The following CSF1 variants were observed in gnomAD, a reference collection of about 807,000 sequenced individuals.
The protein encoded by CSF1 is macrophage colony-stimulating factor 1.
Under a neutral mutation model 48.9 loss-of-function variants are expected in CSF1, and 9 were observed. The observed-to-expected ratio is 0.18, with a 90% CI of 0.11 to 0.32. The LOEUF (loss-of-function observed/expected upper bound fraction) is 0.32, where lower values mean the gene tolerates loss of function less well. CSF1 is among the 10% of genes least tolerant of loss of function. CSF1 has a pLI of 1.00. For missense variants in CSF1, 672 were observed against 697.9 expected (o/e 0.96, Z 0.42); for synonymous variants, 305 against 284.1 (o/e 1.07, Z -0.74).
intron 8 of CSF1, among the ~76,000 whole-genome samples, chr1:109,927,003 A>G (rs142220080): frequency 2.1e-4 from 32 of 152,330 alleles, no homozygotes; most frequent in Admixed American, 5.2e-4. Flanking sequence ...CTAGCTGACC[A>G]GTTAACCAGC....
chr1:109,924,025 G>T lies in CSF1; in HGVS notation c.1404G>T (p.Leu468=), dbSNP rs1647714882. ...CAAGTGAAGGGGCAGCCAGGCCCCT[G>T]CCCCGTTTTAACTCCGTTCCTTTGA... is the stretch of plus-strand genomic sequence containing the variant. ...GPASEGAARP[L]PRFNSVPLTD... Residue 468 remains leucine, a synonymous_variant, in exon 6 of 9, where the codon CTG becomes CTT. Coordinates refer to ENST00000329608, the MANE Select transcript of CSF1 (RefSeq NM_000757.6). 1 of 1,614,206 alleles carries T rather than the reference G, an allele frequency of 6.2e-7. No individual in the cohort carries two copies. The highest frequency in any genetic ancestry group is 8.5e-7 in the Non-Finnish European group (1 of 1,180,030).
chr1:109,924,746 C>A (rs1046446791), intron 6 of CSF1, 30 bp from the exon 7 acceptor site: 2 of 1,563,292 alleles, frequency 1.3e-6, no homozygotes, highest in Admixed American at 3.8e-5. Flanking sequence ...TCCCCCAGCT[C>A]CTCAGTGAGA....
At position 109,915,685 on chromosome 1, in the gene CSF1, C is replaced by G; in HGVS notation, c.214C>G (p.Gln72Glu). Reference sequence around the variant, plus strand: ...CCAAATTACATTTGAGTTTGTAGACCAGGAACAGTTGGTGAGTGATGGCTT... The same window carrying G: ...CCAAATTACATTTGAGTTTGTAGACGAGGAACAGTTGGTGAGTGATGGCTT... ...SCQITFEFVD[Q>E]EQLKDPVCYL... is the part of the protein sequence containing the mutation. Residue 72 changes from glutamine (Q) to glutamate (E), a missense_variant, in exon 3 of 9, where the codon CAG becomes GAG. Transcript: ENST00000329608. 1 of 1,613,584 alleles carries G rather than the reference C, an allele frequency of 6.2e-7. No individual in the cohort carries two copies.
chr1:109,925,282 A>G (rs765364875), intron 8 of CSF1, 80 bp downstream of exon 8: 51 of 1,234,984 alleles, frequency 4.1e-5, no homozygotes, highest in African/African-American at 5.9e-5. Flanking sequence ...GGTGACACCA[A>G]TTCCCCTGAG....
chr1:109,924,214 A>T (rs766551433), intron 6 of CSF1, 24 bp downstream of exon 6: 2 of 1,576,674 alleles, frequency 1.3e-6, no homozygotes, highest in East Asian at 2.2e-5. Context: ...CATGAGGAAG[A>T]AGAGCACGTC....
intron 5 of CSF1, 112 bp from the exon 6 acceptor site, chr1:109,923,054 G>C: frequency 9.6e-7 from 1 of 1,047,074 alleles, no homozygotes; most frequent in Non-Finnish European, 1.4e-6. Flanking sequence ...GGAGATGAGG[G>C]CCCCCCAGAC....
At chr1:109,912,424 A>C (rs1654728078) in intron 1 of CSF1, among the ~76,000 whole-genome samples, 1 of 152,132 alleles carries the variant, frequency 6.6e-6, no homozygotes, top group African/African-American at 2.4e-5. Context: ...GGTGGGAGGA[A>C]GAGGCAGTCA....
Position 109,923,915 on chromosome 1 carries a change from G to A in CSF1, c.1294G>A (p.Gly432Ser). 3 of 1,614,118 alleles carry A rather than the reference G, an allele frequency of 1.9e-6. No individual in the cohort carries two copies. Among genetic ancestry groups the A allele is most frequent in the Non-Finnish European group, 1.7e-6 (2 of 1,179,942 alleles). The change falls in exon 6 of 9, where the codon GGC becomes AGC. Residue 432 changes from glycine (G) to serine (S), a missense_variant. Gly to Ser is a moderately conservative substitution (Grantham distance 56, BLOSUM62 0). This residue lies in a region of CSF1 where 591 missense variants were observed against 593.6 expected (regional missense o/e 1.00). Transcript: ENST00000329608. ...QPQLSRSHSS[G>S]SVLPLGELEG... ...ACAGCTTTCCAGAAGCCACTCCTCG[G>A]GCAGCGTGCTGCCCCTTGGGGAGCT...
chr1:109,921,991 C>G lies in CSF1; in HGVS notation c.541C>G (p.Gln181Glu), dbSNP rs1168912784. 3.1e-6 allele frequency: 5 copies of G among 1,595,144 alleles called. No individual in the cohort carries two copies. The highest frequency in any genetic ancestry group is 4.3e-6 in the Non-Finnish European group (5 of 1,168,118). The change falls in exon 5 of 9, where the codon CAA (glutamine) becomes GAA (glutamate). Residue 181 changes from glutamine to glutamate, a missense_variant. This residue lies in a region of CSF1 where 591 missense variants were observed against 593.6 expected (regional missense o/e 1.00). Transcript: ENST00000329608. ...CNNSFAECSS[Q>E]DVVTKPDCNC... ...CAACAGCTTTGCTGAATGCTCCAGC[C>G]AAGGTAAGCATGGCAGGGGCCAGCA...
rs777521033 is a variant in CSF1 at position 109,923,705 on chromosome 1, G to T, written c.1084G>T (p.Val362Leu). ...ASAKGQQPAD[V>L]TGTALPRVGP... ...AGCAAAGGGCCAACAGCCGGCAGAT[G>T]TAACTGGTACCGCCTTGCCCAGGGT... The change falls in exon 6 of 9, where the codon GTA becomes TTA. Residue 362 changes from valine to leucine, a missense_variant. Around this residue, in one of 3 missense-constraint regions of CSF1, gnomAD observed 591 missense variants for 593.6 expected, o/e 1.00. Coordinates refer to ENST00000329608, the MANE Select transcript of CSF1 (RefSeq NM_000757.6). 3 of 1,613,388 alleles carry T rather than the reference G, an allele frequency of 1.9e-6. No individual in the cohort carries two copies. In the African/African-American group the frequency reaches 4.0e-5, roughly 22 times the overall value.
rs138028707 is a variant in CSF1 at position 109,920,665 on chromosome 1, C to T, written c.397-1182C>T. Among the ~76,000 whole-genome samples, 9 of 152,220 alleles carry T rather than the reference C, an allele frequency of 5.9e-5. No homozygotes were observed. In the East Asian group the frequency reaches 1.2e-3, roughly 20 times the overall value. Reference sequence around the variant, plus strand: ...GCTGACTGCATAGGCCAGGGAGATGCGGCGATGCCTTCAAGGACTTCACAG... The same window carrying T: ...GCTGACTGCATAGGCCAGGGAGATGTGGCGATGCCTTCAAGGACTTCACAG... On this transcript the variant is annotated intron_variant, in intron 4 of 8. Transcript: ENST00000329608.
At position 109,923,641 on chromosome 1, in the gene CSF1, C is replaced by T. The variant is rs1557737120; in HGVS notation, c.1020C>T (p.Pro340=). 1.9e-6 allele frequency: 3 copies of T among 1,614,020 alleles called. No homozygotes were observed. Among genetic ancestry groups the T allele is most frequent in the Non-Finnish European group, 2.5e-6 (3 of 1,179,916 alleles). The change falls in exon 6 of 9, where the codon CCC becomes CCT. Residue 340 remains proline, a synonymous_variant. Coordinates refer to ENST00000329608, the MANE Select transcript of CSF1 (RefSeq NM_000757.6). ...GGSMQTEPAR[P]SNFLSASSPL... ...GCATGCAGACAGAGCCCGCCAGACC[C>T]AGCAACTTCCTCTCAGCATCTTCTC...
At chr1:109,911,998 C>T (rs1482861984) in intron 1 of CSF1, among the ~76,000 whole-genome samples, 6 of 151,216 alleles carry the variant, frequency 4.0e-5, no homozygotes, top group African/African-American at 1.5e-4. Flanking sequence ...AGAGGGGAAA[C>T]CTGGGGGGAA....
In CSF1 at chr1:109,913,135, T is replaced by G. The variant is rs116627754; in HGVS notation, c.40-1124T>G. 3.4e-3 allele frequency among the ~76,000 whole-genome samples: 518 copies of G among 152,346 alleles called. 2 individuals are homozygous for G. Among genetic ancestry groups the G allele is most frequent in the African/African-American group, 0.012 (499 of 41,574 alleles). ...GGTGATATGTAGATTAGCACATTGT[T>G]GTGGGCTGTTTCATAGCCTCGTTGT... On this transcript the variant is annotated intron_variant, in intron 1 of 8. Coordinates refer to ENST00000329608, the MANE Select transcript of CSF1 (RefSeq NM_000757.6).
Position 109,915,675 on chromosome 1 carries a change from G to C in CSF1, c.204G>C (p.Glu68Asp). Residue 68 changes from glutamate (E) to aspartate (D), a missense_variant, in exon 3 of 9, where the codon GAG (glutamate) becomes GAC (aspartate). Glu to Asp is a conservative substitution (Grantham distance 45). Around this residue, in one of 3 missense-constraint regions of CSF1, gnomAD observed 28 missense variants for 58.8 expected, o/e 0.48. Coordinates refer to ENST00000329608, the MANE Select transcript of CSF1 (RefSeq NM_000757.6). ...AGACCTCGTGCCAAATTACATTTGA[G>C]TTTGTAGACCAGGAACAGTTGGTGA... The part of the protein sequence containing the change: ...QMETSCQITF[E>D]FVDQEQLKDP... 1 of 1,613,980 alleles carries C rather than the reference G, an allele frequency of 6.2e-7. No homozygotes were observed. Among genetic ancestry groups the C allele is most frequent in the Non-Finnish European group, 8.5e-7 (1 of 1,179,824 alleles).
intron 4 of CSF1, among the ~76,000 whole-genome samples, chr1:109,920,193 C>CAA (rs34335024): frequency 6.2e-5 from 8 of 129,748 alleles, no homozygotes; most frequent in African/African-American, 8.7e-5. Flanking sequence ...GACTTCATCT[C>CAA]AAAAAAAAAA....
chr1:109,923,222 G>T lies in CSF1; in HGVS notation c.601G>T (p.Asp201Tyr). The T allele has an allele frequency of 6.4e-7, 1 of 1,560,070 alleles. No individual in the cohort carries two copies. The highest frequency in any genetic ancestry group is 8.7e-7 in the Non-Finnish European group (1 of 1,155,230). The stretch of plus-strand genomic sequence containing the variant: ...GTACCCCAAAGCCATCCCTAGCAGT[G>T]ACCCGGCCTCTGTCTCCCCTCATCA... ...CLYPKAIPSS[D>Y]PASVSPHQPL... Residue 201 changes from aspartate to tyrosine, a missense_variant, in exon 6 of 9, where the codon GAC becomes TAC. Around this residue, in one of 3 missense-constraint regions of CSF1, gnomAD observed 591 missense variants for 593.6 expected, o/e 1.00. Coordinates refer to ENST00000329608, the MANE Select transcript of CSF1 (RefSeq NM_000757.6).
chr1:109,913,261 G>A (rs186454400), intron 1 of CSF1, among the ~76,000 whole-genome samples: 2 of 152,334 alleles, frequency 1.3e-5, no homozygotes, highest in East Asian at 1.9e-4. Context: ...ACCCTACCCT[G>A]CCAGCATTTC....
intron 3 of CSF1, 116 bp from the exon 4 acceptor site, chr1:109,917,177 T>C (rs534784288): frequency 1.9e-6 from 2 of 1,060,694 alleles, no homozygotes; most frequent in Admixed American, 2.3e-5. Flanking sequence ...GCTGGCATGG[T>C]GTGGTCCCTC....
Sources: gnomAD v4.1 joint callset for allele counts (sites outside exome capture counted in the v4.1 genomes callset) on GRCh38, gnomAD v4.1.1 for gene constraint, gnomAD v4.1.1 regional missense constraint, MANE v1.5 for transcripts, NCBI Gene and HGNC (gene_info 2026-07-23, HGNC 2026-07-21) for gene names.